The following BTBD9 variants were observed in gnomAD, a reference collection of about 807,000 sequenced individuals.
BTBD9 encodes the protein BTB domain containing 9.
In BTBD9, 49 loss-of-function variants were observed where a neutral mutation model predicts 64.3. The ratio of observed to expected loss-of-function variants is 0.76; its 90% confidence interval spans 0.61 to 0.97. The LOEUF (loss-of-function observed/expected upper bound fraction) is 0.97, where lower values mean the gene tolerates loss of function less well. BTBD9 is among the 50% of genes least tolerant of loss of function. The pLI, the probability that BTBD9 is intolerant of heterozygous loss-of-function variation, is 0.00. For synonymous variants in BTBD9, 260 were observed against 274.7 expected, an observed-to-expected ratio of 0.95 and a Z score of 0.53; for missense variants, 598 against 762.1, an observed-to-expected ratio of 0.78 and a Z score of 2.53.
chr6:38,572,791 A>T lies in BTBD9; in HGVS notation c.1154+4809T>A, dbSNP rs116169954. Among the ~76,000 whole-genome samples the T allele has an allele frequency of 6.3e-3, 945 of 151,152 alleles. 9 individuals carry two copies. The highest frequency in any genetic ancestry group is 0.021 in the African/African-American group (885 of 41,350). ...AAAAAAAAAAACAAGTAGTGGAAAA[A>T]ATATATATATATACATAAAAGTTTA... On this transcript the variant is annotated intron_variant, in intron 6 of 10. Coordinates refer to ENST00000481247, the MANE Select transcript of BTBD9 (RefSeq NM_001099272.2).
At chr6:38,576,414 T>A (rs1014089197) in intron 6 of BTBD9, among the ~76,000 whole-genome samples, 1 of 152,122 alleles carries the variant, frequency 6.6e-6, no homozygotes, top group Non-Finnish European at 1.5e-5. Flanking sequence ...CACAAGAGGA[T>A]CCCTGGGTAA....
At chr6:38,459,597 C>G (rs1769980843) in intron 6 of BTBD9, among the ~76,000 whole-genome samples, 2 of 152,170 alleles carry the variant, frequency 1.3e-5, no homozygotes, top group Admixed American at 6.5e-5. Flanking sequence ...TGAGAGCCTA[C>G]GAGGAACAGA....
intron 6 of BTBD9, among the ~76,000 whole-genome samples, chr6:38,465,918 C>A (rs1479431853): frequency 7.1e-6 from 1 of 141,244 alleles, no homozygotes; most frequent in African/African-American, 2.7e-5. Flanking sequence ...GCAGCTTCAA[C>A]CTCCCAGGCT....
At chr6:38,497,389 T>C (rs574418215) in intron 6 of BTBD9, among the ~76,000 whole-genome samples, 86 of 152,296 alleles carry the variant, frequency 5.6e-4, no homozygotes, top group Admixed American at 1.5e-3. Flanking sequence ...ACACTTTTTT[T>C]CCCCAAACTG....
intron 7 of BTBD9, among the ~76,000 whole-genome samples, chr6:38,341,383 C>T (rs985621875): frequency 3.3e-5 from 5 of 151,950 alleles, no homozygotes; most frequent in Admixed American, 6.6e-5. Context: ...ATAAAATGTC[C>T]GAGATTAATT....
chr6:38,560,177 A>C (rs1250832446), intron 6 of BTBD9, among the ~76,000 whole-genome samples: 1 of 152,170 alleles, frequency 6.6e-6, no homozygotes, highest in African/African-American at 2.4e-5. Flanking sequence ...CATCTGACAA[A>C]GGTCTAATAT....
chr6:38,190,467 TAAAAAAAAAAAA>T (rs70981527), intron 10 of BTBD9, among the ~76,000 whole-genome samples: 1 of 77,518 alleles, frequency 1.3e-5, no homozygotes, highest in East Asian at 4.9e-4. Context: ...AAACTCTGTC[TAAAAAAAAAAAA>T]AAAAAAAAAA....
chr6:38,633,426 T>C (rs1271769485), intron 1 of BTBD9, among the ~76,000 whole-genome samples: 6 of 152,150 alleles, frequency 3.9e-5, no homozygotes, highest in Admixed American at 3.9e-4. Flanking sequence ...GATGAAACAG[T>C]ATATAGAAAG....
chr6:38,550,480 C>G (rs953573641), intron 6 of BTBD9, among the ~76,000 whole-genome samples: 1 of 151,968 alleles, frequency 6.6e-6, no homozygotes, highest in African/African-American at 2.4e-5. Flanking sequence ...CCACACCCGG[C>G]TAATTTTTTG....
chr6:38,178,779 A>G (rs897642832), intron 10 of BTBD9, among the ~76,000 whole-genome samples: 2 of 152,250 alleles, frequency 1.3e-5, no homozygotes, highest in African/African-American at 2.4e-5. Flanking sequence ...GCCACACCCA[A>G]TGGGACAGGG....
chr6:38,533,473 C>T (rs1268708945), intron 6 of BTBD9, among the ~76,000 whole-genome samples: 2 of 152,094 alleles, frequency 1.3e-5, no homozygotes, highest in African/African-American at 4.8e-5. Context: ...CTTCAACACC[C>T]CGCATCCAAC....
At chr6:38,628,322 C>T (rs748404048) in intron 1 of BTBD9, among the ~76,000 whole-genome samples, 6 of 152,186 alleles carry the variant, frequency 3.9e-5, no homozygotes, top group Non-Finnish European at 7.4e-5. Context: ...AAGAGAAGTA[C>T]TAACTCCTAT....
intron 6 of BTBD9, among the ~76,000 whole-genome samples, chr6:38,399,498 C>T (rs2127631225): frequency 6.6e-6 from 1 of 152,170 alleles, no homozygotes; most frequent in East Asian, 1.9e-4. Context: ...ATGAGGTTAC[C>T]AGTAACTAAT....
intron 6 of BTBD9, among the ~76,000 whole-genome samples, chr6:38,368,847 G>T (rs931211939): frequency 5.3e-5 from 8 of 152,148 alleles, no homozygotes; most frequent in African/African-American, 1.9e-4. Context: ...TAACTTCAGG[G>T]TATTCTTCAA....
intron 10 of BTBD9, among the ~76,000 whole-genome samples, chr6:38,191,894 G>T (rs1350748902): frequency 6.6e-6 from 1 of 152,246 alleles, no homozygotes; most frequent in Non-Finnish European, 1.5e-5. Flanking sequence ...TGGTGCCACA[G>T]AGCATTAAAC....
chr6:38,398,615 C>T (rs1004769185), intron 6 of BTBD9, among the ~76,000 whole-genome samples: 2 of 152,124 alleles, frequency 1.3e-5, no homozygotes, highest in Admixed American at 6.5e-5. Flanking sequence ...GATTTCATTG[C>T]CCACTCACCC....
chr6:38,472,133 A>G (rs1303216238), intron 6 of BTBD9, among the ~76,000 whole-genome samples: 1 of 152,184 alleles, frequency 6.6e-6, no homozygotes, highest in Non-Finnish European at 1.5e-5. Context: ...TAGCCTTTCC[A>G]CCACACTTGT....
At chr6:38,594,810 T>C (rs1393159356) in intron 2 of BTBD9, among the ~76,000 whole-genome samples, 1 of 152,220 alleles carries the variant, frequency 6.6e-6, no homozygotes, top group African/African-American at 2.4e-5. Flanking sequence ...ATATGCTGCT[T>C]TGAGAGTATA....
chr6:38,233,920 T>C (rs760081289), intron 9 of BTBD9, among the ~76,000 whole-genome samples: 12 of 152,194 alleles, frequency 7.9e-5, no homozygotes, highest in Non-Finnish European at 1.8e-4. Context: ...TCTAAAAAAG[T>C]AAGAGTAAAG....
Sources: allele counts gnomAD v4.1 joint callset (sites outside exome capture counted in the v4.1 genomes callset), GRCh38; gene constraint gnomAD v4.1.1; transcripts MANE v1.5; gene names NCBI Gene and HGNC (gene_info 2026-07-23, HGNC 2026-07-21).